Variants in CHSY3 observed in about 807,000 individuals in gnomAD.
CHSY3 encodes N-acetylgalactosaminyl-proteoglycan 3-beta-glucuronosyltransferase 3.
A neutral mutation model predicts 67.2 loss-of-function variants in CHSY3; 35 were observed. That is an observed-to-expected ratio of 0.52 (90% CI 0.40 to 0.69). The LOEUF (loss-of-function observed/expected upper bound fraction) is 0.69. CHSY3 is among the 30% of genes least tolerant of loss of function. The pLI is 0.00. For synonymous variants in CHSY3, 474 were observed against 434.7 expected, an observed-to-expected ratio of 1.09 and a Z score of -1.12; for missense variants, 1,069 against 1,138.5, an observed-to-expected ratio of 0.94 and a Z score of 0.88.
At chr5:129,908,024 A>G (rs1052098081) in intron 1 of CHSY3, 53 bp from the exon 2 acceptor site, 140 of 1,576,122 alleles carry the variant, frequency 8.9e-5, no homozygotes, top group Non-Finnish European at 1.2e-4. Context: ...CTTGTACATG[A>G]TAAGTGATTA....
At chr5:129,946,391 A>C (rs1267027456) in intron 2 of CHSY3, among the ~76,000 whole-genome samples, 1 of 152,196 alleles carries the variant, frequency 6.6e-6, no homozygotes, top group East Asian at 1.9e-4. Context: ...GAAAGTTTAA[A>C]AAGTATAGGT....
chr5:130,180,310 G>T (rs1770205808), intron 2 of CHSY3, among the ~76,000 whole-genome samples: 1 of 152,114 alleles, frequency 6.6e-6, no homozygotes, highest in Admixed American at 6.6e-5. Flanking sequence ...GCTAGAGTTA[G>T]AGGTATTTTA....
intron 2 of CHSY3, among the ~76,000 whole-genome samples, chr5:129,984,768 G>A (rs531095970): frequency 6.6e-6 from 1 of 152,196 alleles, no homozygotes; most frequent in South Asian, 2.1e-4. Flanking sequence ...TATGCCTAAT[G>A]ATTAGAAATA....
chr5:130,176,198 C>G (rs1317775687), intron 2 of CHSY3, among the ~76,000 whole-genome samples: 1 of 151,980 alleles, frequency 6.6e-6, no homozygotes, highest in Non-Finnish European at 1.5e-5. Context: ...AGGATATGAA[C>G]AGACATTTCT....
chr5:130,000,957 C>A (rs1051574539), intron 2 of CHSY3, among the ~76,000 whole-genome samples: 1 of 150,028 alleles, frequency 6.7e-6, no homozygotes, highest in Non-Finnish European at 1.5e-5. Context: ...GTGGAGCAAT[C>A]TCCACTCACT....
intron 2 of CHSY3, among the ~76,000 whole-genome samples, chr5:129,915,369 G>A (rs1384038880): frequency 6.6e-6 from 1 of 152,106 alleles, no homozygotes; most frequent in African/African-American, 2.4e-5. Context: ...TCTAGTTGAG[G>A]CTTAACTACA....
chr5:130,097,183 A>T (rs1019130992), intron 2 of CHSY3, among the ~76,000 whole-genome samples: 6 of 152,276 alleles, frequency 3.9e-5, no homozygotes, highest in Admixed American at 2.0e-4. Context: ...TTCTGCTTAC[A>T]GAATCGCCCC....
chr5:130,185,431 T>G lies in CHSY3; in HGVS notation c.2289T>G (p.Asp763Glu), dbSNP rs750922312. The change falls in exon 3 of 3, where the codon GAT becomes GAG. Residue 763 changes from aspartate (D) to glutamate (E), a missense_variant. Physicochemically the swap from Asp to Glu is conservative, Grantham distance 45. This residue lies in a region of CHSY3 where 139 missense variants were observed against 152.8 expected (regional missense o/e 0.91). Transcript: ENST00000305031. ...CAAACGGGGGAAATCCTCCCACTGA[T>G]GATTACTTCATATTCTCAAAAAAGA... ...KVTNGGNPPT[D>E]DYFIFSKKTG... The G allele has an allele frequency of 6.2e-7, 1 of 1,613,730 alleles. No homozygotes were observed. The highest frequency in any genetic ancestry group is 2.2e-5 in the East Asian group (1 of 44,892).
intron 2 of CHSY3, among the ~76,000 whole-genome samples, chr5:129,956,622 C>T (rs1369305686): frequency 2.6e-5 from 4 of 151,938 alleles, no homozygotes; most frequent in Admixed American, 2.6e-4. Flanking sequence ...ATCGTGAAAT[C>T]TTGAATTGAT....
At position 130,090,075 on chromosome 5, in the gene CHSY3, C is replaced by T. The variant is rs368509137; in HGVS notation, c.1087-94154C>T. 4.6e-5 allele frequency among the ~76,000 whole-genome samples: 7 copies of T among 152,288 alleles called. No homozygotes were observed. In the South Asian group the frequency reaches 1.2e-3, roughly 27 times the overall value. On this transcript the variant is annotated intron_variant, in intron 2 of 2. Coordinates refer to ENST00000305031, the MANE Select transcript of CHSY3 (RefSeq NM_175856.5). ...TTATAGTTCCCGCGGCTTGCCTTCA[C>T]TCCAGGTACTAATACCAAAACTTCA...
chr5:129,989,255 A>T (rs1318199054), intron 2 of CHSY3, among the ~76,000 whole-genome samples: 1 of 95,368 alleles, frequency 1.0e-5, no homozygotes, highest in Non-Finnish European at 2.0e-5. Flanking sequence ...AGGGCAACAA[A>T]CTTGTTCTTT....
At position 129,958,343 on chromosome 5, in the gene CHSY3, G is replaced by T. The variant is rs149682745; in HGVS notation, c.1086+49983G>T. ...TGGTATATAACTAGACCTGATTCCA[G>T]CTGGGCCTTTCTTGGGAGTAGGGCA... On this transcript the variant is annotated intron_variant, in intron 2 of 2. Coordinates refer to ENST00000305031, the MANE Select transcript of CHSY3 (RefSeq NM_175856.5). Among the ~76,000 whole-genome samples the T allele has an allele frequency of 3.8e-3, 579 of 152,186 alleles. 8 individuals are homozygous for T. Among genetic ancestry groups the T allele is most frequent in the African/African-American group, 0.013 (544 of 41,534 alleles).
At chr5:130,115,641 G>T (rs932174057) in intron 2 of CHSY3, among the ~76,000 whole-genome samples, 2 of 152,086 alleles carry the variant, frequency 1.3e-5, no homozygotes, top group African/African-American at 4.8e-5. Flanking sequence ...AAGATCTTCT[G>T]TCCAAATCTG....
chr5:130,136,204 G>A (rs1159334212), intron 2 of CHSY3, among the ~76,000 whole-genome samples: 5 of 152,180 alleles, frequency 3.3e-5, no homozygotes, highest in Non-Finnish European at 5.9e-5. Flanking sequence ...AATACGGGAA[G>A]ATATTAAGCC....
chr5:130,114,082 T>G (rs1047502103), intron 2 of CHSY3, among the ~76,000 whole-genome samples: 3 of 152,176 alleles, frequency 2.0e-5, no homozygotes, highest in African/African-American at 7.2e-5. Context: ...AGCAAACATG[T>G]TTTTATTACA....
chr5:130,143,810 G>GTATGTATATATATATA (rs1554085961), intron 2 of CHSY3, among the ~76,000 whole-genome samples: 2 of 56,490 alleles, frequency 3.5e-5, no homozygotes, highest in Non-Finnish European at 6.2e-5. Flanking sequence ...ATATATGTGT[G>GTATGTATATATATATA]TATATATATA....
intron 2 of CHSY3, chr5:130,001,878 C>A (rs1763737011): frequency 1.1e-6 from 1 of 928,932 alleles, no homozygotes; most frequent in Non-Finnish European, 1.3e-6. Flanking sequence ...TGTGTGTAAC[C>A]AAAAGGTAAT....
chr5:130,146,804 G>GT lies in CHSY3; in HGVS notation c.1087-37419dup, dbSNP rs551347303. ...TTTTTGTTTTGTTTTGTTTTGTTTT[G>GT]TTTTTTGAGACAGAGTTTCATTCTT... On this transcript the variant is annotated intron_variant, in intron 2 of 2. Transcript: ENST00000305031. 9.4e-3 allele frequency among the ~76,000 whole-genome samples: 1,418 copies of GT among 151,632 alleles called. 17 individuals carry two copies. The highest frequency in any genetic ancestry group is 0.032 in the African/African-American group (1,314 of 41,308).
chr5:130,043,197 TG>T (rs1765052241), intron 2 of CHSY3, among the ~76,000 whole-genome samples: 1 of 152,078 alleles, frequency 6.6e-6, no homozygotes, highest in Admixed American at 6.6e-5. Context: ...GTTGTTTGTT[TG>T]TTTTTTTTAC....
Sources: gnomAD v4.1 joint callset for allele counts (sites outside exome capture counted in the v4.1 genomes callset) on GRCh38, gnomAD v4.1.1 for gene constraint, gnomAD v4.1.1 regional missense constraint, MANE v1.5 for transcripts, NCBI Gene and HGNC (gene_info 2026-07-23, HGNC 2026-07-21) for gene names.